The following NPR1 variants were observed in gnomAD, a reference collection of about 807,000 sequenced individuals.
NPR1 encodes atrial natriuretic peptide receptor 1.
Under a neutral mutation model 116.9 loss-of-function variants are expected in NPR1, and 57 were observed. The ratio of observed to expected loss-of-function variants is 0.49; its 90% CI spans 0.39 to 0.61. The LOEUF (loss-of-function observed/expected upper bound fraction) is 0.61. NPR1 is among the 20% of genes least tolerant of loss of function. The probability of loss-of-function intolerance (pLI) is 0.00; values close to 1 mark genes in which losing one functional copy is unlikely to be tolerated. For missense variants in NPR1, 1,096 were observed against 1,409.8 expected (o/e 0.78, Z 3.56); for synonymous variants, 555 against 601.6 (o/e 0.92, Z 1.13).
rs754819026 is a variant in NPR1 at position 153,684,552 on chromosome 1, C to T, written c.1485-412C>T. Among the ~76,000 whole-genome samples the T allele has an allele frequency of 3.0e-4, 45 of 151,904 alleles. 1 individual carries two copies. The highest frequency in any genetic ancestry group is 5.9e-5 in the Non-Finnish European group (4 of 67,968). ...GACTACAGGCACATGCCACCACGCT[C>T]AGCTAATTTTTGTATTTTTAGTAGA... On this transcript the variant is annotated intron_variant, in intron 7 of 21. Transcript: ENST00000368680.
intron 6 of NPR1, 67 bp downstream of exon 6, chr1:153,683,578 A>G (rs1669843971): frequency 6.3e-7 from 1 of 1,599,512 alleles, no homozygotes; most frequent in Non-Finnish European, 8.5e-7. Context: ...AGCACAGTCG[A>G]GTAGGTGCTC....
intron 2 of NPR1, 72 bp from the exon 3 acceptor site, chr1:153,681,108 A>T: frequency 2.2e-6 from 2 of 897,026 alleles, no homozygotes; most frequent in East Asian, 4.8e-5. Flanking sequence ...TGGGCTCCCA[A>T]CTGTTGGGGC....
chr1:153,684,384 TTC>T, intron 7 of NPR1, among the ~76,000 whole-genome samples: 1 of 138,864 alleles, frequency 7.2e-6, no homozygotes, highest in African/African-American at 2.6e-5. Context: ...ATTTCTTTCT[TTC>T]TTTTTTTTTT....
intron 20 of NPR1, 94 bp from the exon 21 acceptor site, chr1:153,693,012 T>C (rs1670147952): frequency 8.9e-6 from 9 of 1,014,608 alleles, no homozygotes; most frequent in Non-Finnish European, 1.4e-5. Flanking sequence ...CCTGTCCACC[T>C]GTCCACCCCC....
At position 153,689,122 on chromosome 1, in the gene NPR1, C is replaced by G. The variant is rs375117744; in HGVS notation, c.2564+23C>G. 8 of 1,613,782 alleles carry G rather than the reference C, an allele frequency of 5.0e-6. No homozygotes were observed. In the African/African-American group the frequency reaches 8.0e-5, roughly 16 times the overall value. ...TCAGTGAGTGCCTGAGTCTGGGGAC[C>G]CCCCCCAACACAAAGCCCCTGTCCC... On this transcript the variant is annotated intron_variant, in intron 16 of 21. Transcript: ENST00000368680. This position sits in a 1 kb window ranked among gnomAD's most constrained non-coding sequence, Gnocchi z 5.1.
At chr1:153,680,770 C>A in intron 2 of NPR1, 70 bp downstream of exon 2, 1 of 1,278,502 alleles carries the variant, frequency 7.8e-7, no homozygotes, top group Non-Finnish European at 1.1e-6. Flanking sequence ...CTGTGTCCCT[C>A]AGCGTCTGAA....
At position 153,693,197 on chromosome 1, in the gene NPR1, G is replaced by A; in HGVS notation, c.3123G>A (p.Lys1041=). 3 of 1,613,866 alleles carry A rather than the reference G, an allele frequency of 1.9e-6. No homozygotes were observed. Among genetic ancestry groups the A allele is most frequent in the Non-Finnish European group, 2.5e-6 (3 of 1,179,810 alleles). Residue 1041 remains lysine (K), a splice_region_variant and synonymous_variant, in exon 21 of 22, where the codon AAG becomes AAA. Coordinates refer to ENST00000368680, the MANE Select transcript of NPR1 (RefSeq NM_000906.4). Reference sequence around the variant, plus strand: ...AGCTTCGAGGGGATGTAGAAATGAAGGTAGAGGGAGAAGCCTCTGCCCTCC... The same window carrying A: ...AGCTTCGAGGGGATGTAGAAATGAAAGTAGAGGGAGAAGCCTCTGCCCTCC... ...ELELRGDVEM[K]GKGKVRTYWL...
rs929703954 is a variant in NPR1 at position 153,689,787 on chromosome 1, C to A, written c.2758-19C>A. ...CAGTTGCAGCCGTCAAGTCCTGCAC[C>A]CCCTCGCCACTCCCACAGGTGGAGA... is the stretch of plus-strand genomic sequence containing the variant. On this transcript the variant is annotated intron_variant, in intron 18 of 21. Coordinates refer to ENST00000368680, the MANE Select transcript of NPR1 (RefSeq NM_000906.4). The surrounding 1 kb of genome is among the most constrained non-coding windows in gnomAD (Gnocchi z 5.1). 1 of 1,519,626 alleles carries A rather than the reference C, an allele frequency of 6.6e-7. No individual in the cohort carries two copies. The highest frequency in any genetic ancestry group is 1.3e-5 in the South Asian group (1 of 78,774). 94.1% of individuals were successfully genotyped at this position (1,519,626 alleles called of 1,614,324 possible). A position where few individuals can be genotyped will look rare whatever the true frequency, so the allele number is the denominator to read the frequency against.
At position 153,693,630 on chromosome 1, in the gene NPR1, C is replaced by T. The variant is rs1670165794; in HGVS notation, c.*216C>T. On this transcript the variant is annotated 3_prime_UTR_variant, in exon 22 of 22. Coordinates refer to ENST00000368680, the MANE Select transcript of NPR1 (RefSeq NM_000906.4). ...GAGCTTACAGGCTGAGCCAAGCCCA[C>T]GGCCATGCACAGGGACACTCACACA... is the stretch of plus-strand genomic sequence containing the variant. 5 of 491,518 alleles carry T rather than the reference C, an allele frequency of 1.0e-5. No individual in the cohort carries two copies. Among genetic ancestry groups the T allele is most frequent in the Non-Finnish European group, 1.8e-5 (5 of 281,568 alleles). 30.4% of individuals were successfully genotyped at this position (491,518 alleles called of 1,614,324 possible).
chr1:153,686,704 C>T lies in NPR1; in HGVS notation c.1817C>T (p.Pro606Leu). The T allele has an allele frequency of 2.5e-6, 4 of 1,613,948 alleles. No individual in the cohort carries two copies. The highest frequency in any genetic ancestry group is 1.7e-5 in the Admixed American group (1 of 59,990). ...TRFVGACTDP[P>L]NICILTEYCP... The stretch of plus-strand genomic sequence containing the variant: ...TTTGTGGGAGCCTGCACCGACCCCC[C>T]CAATATCTGCATCCTCACAGAGTAC... The change falls in exon 11 of 22, where the codon CCC (proline) becomes CTC (leucine). Residue 606 changes from proline to leucine, a missense_variant. Transcript: ENST00000368680.
intron 21 of NPR1, 40 bp downstream of exon 21, chr1:153,693,237 C>G (rs1670153037): frequency 4.4e-6 from 7 of 1,600,410 alleles, no homozygotes; most frequent in African/African-American, 2.7e-5. Context: ...CTTTTGGGGT[C>G]CTAGAGGGAG....
chr1:153,680,447 C>T (rs1669735803), intron 1 of NPR1, 54 bp from the exon 2 acceptor site: 1 of 1,567,484 alleles, frequency 6.4e-7, no homozygotes, highest in Non-Finnish European at 8.8e-7. Flanking sequence ...TTTCCTACTC[C>T]TGTCTCTCCC....
At chr1:153,687,854 G>A (rs1357125750) in intron 14 of NPR1, 65 bp downstream of exon 14, 5 of 1,493,936 alleles carry the variant, frequency 3.3e-6, no homozygotes, top group Non-Finnish European at 3.6e-6. Context: ...CCAGGGAGAG[G>A]GTCCCCTGGC....
chr1:153,686,029 G>C, intron 9 of NPR1, 94 bp from the exon 10 acceptor site: 2 of 1,434,408 alleles, frequency 1.4e-6, no homozygotes. Context: ...ACAAGTGAGG[G>C]TCCTGAGGGC....
chr1:153,679,197 G>C lies in NPR1; in HGVS notation c.89G>C (p.Ser30Thr). The change falls in exon 1 of 22, where the codon AGC becomes ACC. Residue 30 changes from serine to threonine, a missense_variant. By Grantham distance (58) the Ser-to-Thr change is moderately conservative. Coordinates refer to ENST00000368680, the MANE Select transcript of NPR1 (RefSeq NM_000906.4). This position sits in a 1 kb window ranked among gnomAD's most constrained non-coding sequence, Gnocchi z 4.2. ...CCGCTGCTGCTGCTGCTCCGGGGCA[G>C]CCACGCGGGCAACCTGACGGTAGCC... ...LPPLLLLLRG[S>T]HAGNLTVAVV... The C allele has an allele frequency of 6.6e-7, 1 of 1,513,398 alleles. No individual in the cohort carries two copies. The highest frequency in any genetic ancestry group is 8.8e-7 in the Non-Finnish European group (1 of 1,135,990). The allele number at this position is 1,513,398 out of a possible 1,614,324, so 93.7% of individuals were successfully genotyped here. A position where few individuals can be genotyped will look rare whatever the true frequency, so the allele number is the denominator to read the frequency against.
chr1:153,689,926 C>A lies in NPR1; in HGVS notation c.2878C>A (p.Arg960=). ...ACTGCTGGATGCTGTGCGCTCCTTC[C>A]GAATCCGCCACCGGCCCCAGGAGCA... ...LALLDAVRSF[R]IRHRPQEQLR... Residue 960 remains arginine, a synonymous_variant, in exon 19 of 22, where the codon CGA becomes AGA. Coordinates refer to ENST00000368680, the MANE Select transcript of NPR1 (RefSeq NM_000906.4). The surrounding 1 kb of genome is among the most constrained non-coding windows in gnomAD (Gnocchi z 5.1). The A allele has an allele frequency of 1.9e-6, 3 of 1,554,672 alleles. No individual in the cohort carries two copies. Among genetic ancestry groups the A allele is most frequent in the Non-Finnish European group, 2.6e-6 (3 of 1,147,720 alleles).
intron 7 of NPR1, 64 bp downstream of exon 7, chr1:153,683,888 C>T (rs774011380): frequency 1.9e-5 from 27 of 1,427,868 alleles, no homozygotes; most frequent in Middle Eastern, 1.8e-4. Context: ...GCAGAGGAGG[C>T]GGTGGGGACC....
rs1669676248 is a variant in NPR1, at chr1:153,678,961, G to T, written c.-148G>T. Reference sequence around the variant, plus strand: ...CGGCCCAGACCGTCGCAGCTACAGGGGGCCTCGAGCCCCGGGGTGAGCGTC... The same window carrying T: ...CGGCCCAGACCGTCGCAGCTACAGGTGGCCTCGAGCCCCGGGGTGAGCGTC... On this transcript the variant is annotated 5_prime_UTR_variant, in exon 1 of 22. Transcript: ENST00000368680. This position sits in a 1 kb window ranked among gnomAD's most constrained non-coding sequence, Gnocchi z 5.8. The T allele has an allele frequency of 9.4e-7, 1 of 1,061,704 alleles. No individual in the cohort carries two copies. The highest frequency in any genetic ancestry group is 2.2e-5 in the South Asian group (1 of 45,644). 65.8% of individuals were successfully genotyped at this position (1,061,704 alleles called of 1,614,324 possible).
rs1316412518 is a variant in NPR1, at chr1:153,683,666, G to A, written c.1400-74G>A. 3 of 1,553,194 alleles carry A rather than the reference G, an allele frequency of 1.9e-6. No individual in the cohort carries two copies. In the East Asian group the frequency reaches 6.7e-5, roughly 35 times the overall value. On this transcript the variant is annotated intron_variant, in intron 6 of 21. Coordinates refer to ENST00000368680, the MANE Select transcript of NPR1 (RefSeq NM_000906.4). ...TCATCCATCATCCCAGTTCACTGAT[G>A]GACTATTAGAAAGTTCTTCCTCCTG...
Sources: gnomAD v4.1 joint callset for allele counts (sites outside exome capture counted in the v4.1 genomes callset) on GRCh38, gnomAD v4.1.1 for gene constraint, Gnocchi (gnomAD v3.1) non-coding constraint, MANE v1.5 for transcripts, NCBI Gene and HGNC (gene_info 2026-07-23, HGNC 2026-07-21) for gene names.